The following TMSB15B variants were observed in gnomAD, a reference collection of about 807,000 sequenced individuals.
TMSB15B encodes the protein thymosin beta 15B, also known as thymosin beta-15B.
At chrX:103,928,398 C>A in intron 1 of TMSB15B, 1 of 1,209,931 alleles carries the variant, frequency 8.3e-7, no homozygotes, top group Non-Finnish European at 1.1e-6. Flanking sequence ...CTTATGATAG[C>A]CTGCTGTGCT....
At chrX:103,930,306 C>T (rs2074981054) in intron 1 of TMSB15B, among the ~76,000 whole-genome samples, 1 of 111,203 alleles carries the variant, frequency 9.0e-6, no homozygotes, top group South Asian at 3.9e-4. Context: ...AAGCCCAGCT[C>T]AGAGGTCACC....
intron 1 of TMSB15B, among the ~76,000 whole-genome samples, chrX:103,949,295 T>A (rs782073730): frequency 8.9e-6 from 1 of 112,011 alleles, no homozygotes; most frequent in African/African-American, 3.2e-5. Flanking sequence ...CAGAGAAATG[T>A]CATGATTTGA....
At chrX:103,946,326 G>A (rs1387614986) in intron 1 of TMSB15B, among the ~76,000 whole-genome samples, 1 of 111,670 alleles carries the variant, frequency 9.0e-6, no homozygotes, top group Non-Finnish European at 1.9e-5. Flanking sequence ...CATCCTTCAG[G>A]GTTTCTCACT....
intron 1 of TMSB15B, among the ~76,000 whole-genome samples, chrX:103,937,914 A>G (rs1161449105): frequency 9.0e-6 from 1 of 111,557 alleles, no homozygotes; most frequent in Admixed American, 9.5e-5. Context: ...GTCTGCCTTA[A>G]TTTCATTATT....
intron 1 of TMSB15B, among the ~76,000 whole-genome samples, chrX:103,923,005 C>G (rs1266066213): frequency 2.7e-5 from 3 of 112,314 alleles, no homozygotes; most frequent in African/African-American, 9.7e-5. Context: ...TAAATGTCTT[C>G]TTTTGAGAAG....
intron 1 of TMSB15B, among the ~76,000 whole-genome samples, chrX:103,920,197 T>C (rs1224910988): frequency 1.9e-4 from 21 of 112,162 alleles, no homozygotes; most frequent in Non-Finnish European, 3.9e-4. Context: ...TTGTCTGAAA[T>C]TACAAGGTGA....
intron 1 of TMSB15B, chrX:103,932,522 A>G (rs781993736): frequency 2.7e-5 from 3 of 112,368 alleles, no homozygotes; most frequent in Non-Finnish European, 3.7e-5. Flanking sequence ...AATTTACTAT[A>G]TTTGCCTTTA....
chrX:103,953,429 C>T (rs1556328649), intron 1 of TMSB15B, among the ~76,000 whole-genome samples: 1 of 112,634 alleles, frequency 8.9e-6, no homozygotes, highest in Non-Finnish European at 1.9e-5. Context: ...GTGGGCCAAG[C>T]AGCCATGGTC....
chrX:103,953,222 G>A (rs1441414466), intron 1 of TMSB15B, among the ~76,000 whole-genome samples: 3 of 111,456 alleles, frequency 2.7e-5, no homozygotes, highest in Non-Finnish European at 3.8e-5. Flanking sequence ...AGGAGATCCC[G>A]TCATGAGCCC....
intron 1 of TMSB15B, among the ~76,000 whole-genome samples, chrX:103,943,802 C>A (rs1602441182): frequency 9.2e-6 from 1 of 109,054 alleles, no homozygotes; most frequent in Admixed American, 9.5e-5. Flanking sequence ...CCCATTTCTT[C>A]CTTCAACAAA....
At chrX:103,928,270 T>C (rs1345719882) in intron 1 of TMSB15B, 2 of 1,206,795 alleles carry the variant, frequency 1.7e-6, no homozygotes, top group Non-Finnish European at 2.2e-6. Flanking sequence ...AACAGATCCA[T>C]GCCATGGCAG....
At chrX:103,953,998 G>C (rs1556328737) in intron 1 of TMSB15B, among the ~76,000 whole-genome samples, 1 of 111,671 alleles carries the variant, frequency 9.0e-6, no homozygotes, top group Non-Finnish European at 1.9e-5. Context: ...TCACCACACA[G>C]GAAACCCCTG....
At chrX:103,925,666 A>T (rs4907850) in intron 1 of TMSB15B, among the ~76,000 whole-genome samples, 1 of 110,582 alleles carries the variant, frequency 9.0e-6, no homozygotes, top group Admixed American at 9.6e-5. Context: ...AACAAAACTC[A>T]CTTAGAATGC....
At chrX:103,930,042 A>C (rs2074980299) in intron 1 of TMSB15B, among the ~76,000 whole-genome samples, 2 of 110,727 alleles carry the variant, frequency 1.8e-5, no homozygotes, top group Non-Finnish European at 3.8e-5. Flanking sequence ...GATGTGGTAA[A>C]TGTAGTTAGT....
At chrX:103,940,231 TAA>T (rs1252482206) in intron 1 of TMSB15B, among the ~76,000 whole-genome samples, 1 of 112,243 alleles carries the variant, frequency 8.9e-6, no homozygotes, top group Non-Finnish European at 1.9e-5. Context: ...GCAGGAATGT[TAA>T]AGTCTGCTGA....
intron 1 of TMSB15B, among the ~76,000 whole-genome samples, chrX:103,946,064 T>A (rs1227870223): frequency 8.9e-6 from 1 of 112,191 alleles, no homozygotes; most frequent in Non-Finnish European, 1.9e-5. Flanking sequence ...CACAGTTTCA[T>A]GTATTCTGTC....
chrX:103,940,612 C>T (rs1294814054), intron 1 of TMSB15B, among the ~76,000 whole-genome samples: 3 of 111,213 alleles, frequency 2.7e-5, no homozygotes, highest in Non-Finnish European at 5.7e-5. Flanking sequence ...GGCTGGGATC[C>T]GCTGAGCAAG....
chrX:103,922,174 T>G (rs1486083338), intron 1 of TMSB15B, among the ~76,000 whole-genome samples: 1 of 108,868 alleles, frequency 9.2e-6, no homozygotes, highest in Non-Finnish European at 1.9e-5. Context: ...CTCTGCCCTA[T>G]TATCTCATTT....
intron 1 of TMSB15B, among the ~76,000 whole-genome samples, chrX:103,952,482 T>A (rs1231952579): frequency 9.0e-6 from 1 of 110,822 alleles, no homozygotes; most frequent in Non-Finnish European, 1.9e-5. Flanking sequence ...CTGCTCCTTG[T>A]GAGTGGGCTT....
Sources: allele counts gnomAD v4.1 joint callset (sites outside exome capture counted in the v4.1 genomes callset), GRCh38; gene constraint gnomAD v4.1.1; transcripts MANE v1.5; gene names NCBI Gene and HGNC (gene_info 2026-07-23, HGNC 2026-07-21).